Variants in SHANK2 observed in about 807,000 individuals in gnomAD.
The protein encoded by SHANK2 is SH3 and multiple ankyrin repeat domains 2, also known as SH3 and multiple ankyrin repeat domains protein 2.
A neutral mutation model predicts 133.7 loss-of-function variants in SHANK2; 43 were observed. The ratio of observed to expected loss-of-function variants is 0.32; its 90% CI spans 0.25 to 0.41. SHANK2 has a LOEUF of 0.41. SHANK2 is among the 10% of genes least tolerant of loss of function. SHANK2 has a pLI of 1.00. For missense variants in SHANK2, 1,994 were observed against 2,235.8 expected, an observed-to-expected ratio of 0.89 and a Z score of 2.18; for synonymous variants, 1,017 against 952.8, an observed-to-expected ratio of 1.07 and a Z score of -1.24.
intron 17 of SHANK2, among the ~76,000 whole-genome samples, chr11:70,645,060 A>G (rs1356190397): frequency 4.6e-5 from 7 of 152,112 alleles, no homozygotes; most frequent in Admixed American, 1.3e-4. Context: ...AGTCTTTACT[A>G]AAACTACAAA....
intron 17 of SHANK2, among the ~76,000 whole-genome samples, chr11:70,538,299 C>T (rs2136011407): frequency 6.6e-6 from 1 of 152,362 alleles, no homozygotes; most frequent in East Asian, 1.9e-4. Context: ...CCAGAATTAG[C>T]CGACAGTGAC....
intron 17 of SHANK2, among the ~76,000 whole-genome samples, chr11:70,624,532 CAA>C (rs71049929): frequency 2.6e-4 from 36 of 138,152 alleles, no homozygotes; most frequent in African/African-American, 2.2e-4. Flanking sequence ...CAACCTTCTT[CAA>C]AAAAAAAAAA....
intron 17 of SHANK2, among the ~76,000 whole-genome samples, chr11:70,607,265 T>G (rs781979924): frequency 6.6e-6 from 1 of 152,166 alleles, no homozygotes; most frequent in African/African-American, 2.4e-5. Flanking sequence ...TTTTAACAGA[T>G]GAACTGGTTT....
chr11:71,157,554 T>C (rs1555109270), intron 2 of SHANK2, among the ~76,000 whole-genome samples: 1 of 152,150 alleles, frequency 6.6e-6, no homozygotes, highest in East Asian at 1.9e-4. Flanking sequence ...CCTCCAACAG[T>C]CTCTCAGCTT....
At chr11:70,528,347 C>A (rs1285332894) in intron 17 of SHANK2, among the ~76,000 whole-genome samples, 1 of 152,182 alleles carries the variant, frequency 6.6e-6, no homozygotes, top group South Asian at 2.1e-4. Flanking sequence ...TGGGCTGACG[C>A]GAGGCTCCTT....
Position 70,473,237 on chromosome 11 carries a change from C to T in SHANK2, c.5182G>A (p.Ala1728Thr), listed in dbSNP as rs534071683. Residue 1728 changes from alanine to threonine, a missense_variant, in exon 26 of 26, where the codon GCT becomes ACT. This residue lies in a region of SHANK2 where 797 missense variants were observed against 907.4 expected (regional missense o/e 0.88). Transcript: ENST00000601538. The surrounding 1 kb of genome is among the most constrained non-coding windows in gnomAD (Gnocchi z 5.9). Reference sequence around the variant, plus strand: ...GCGGGAGAAGGAGAGGCGGTGGCAGCAGACAGGGGGGCGGGCAGGGTCTCT... The same window carrying T: ...GCGGGAGAAGGAGAGGCGGTGGCAGTAGACAGGGGGGCGGGCAGGGTCTCT... The part of the protein sequence containing the change: ...NKETLPAPLS[A>T]ATASPSPALS... The T allele has an allele frequency of 3.7e-6, 6 of 1,610,064 alleles. No individual in the cohort carries two copies. The East Asian group carries it at 1.3e-4, about 36-fold the overall frequency.
At chr11:71,068,065 A>C (rs1951091282) in intron 9 of SHANK2, among the ~76,000 whole-genome samples, 1 of 149,032 alleles carries the variant, frequency 6.7e-6, no homozygotes, top group Admixed American at 6.7e-5. Context: ...TCACCATCAC[A>C]ACCATCACCA....
chr11:70,811,798 C>A (rs1394345084), intron 12 of SHANK2, among the ~76,000 whole-genome samples: 1 of 151,966 alleles, frequency 6.6e-6, no homozygotes, highest in Non-Finnish European at 1.5e-5. Context: ...TATTCATCAT[C>A]CATCATCCAT....
intron 14 of SHANK2, 44 bp downstream of exon 14, chr11:70,798,399 G>A: frequency 1.4e-6 from 1 of 715,328 alleles, no homozygotes; most frequent in Non-Finnish European, 2.6e-6. Flanking sequence ...GCCTGAGATA[G>A]GCCTGCAGGA....
intron 14 of SHANK2, among the ~76,000 whole-genome samples, chr11:70,758,757 C>T (rs1181588214): frequency 6.6e-6 from 1 of 152,228 alleles, no homozygotes; most frequent in African/African-American, 2.4e-5. Flanking sequence ...CAGTCCCTGG[C>T]TTGTGGCCGT....
chr11:70,526,459 C>G (rs906433232), intron 17 of SHANK2, among the ~76,000 whole-genome samples: 5 of 152,212 alleles, frequency 3.3e-5, no homozygotes, highest in African/African-American at 1.2e-4. Flanking sequence ...GATTGCCATG[C>G]CTTTCAATGT....
At chr11:70,934,856 G>A (rs1054592354) in intron 10 of SHANK2, among the ~76,000 whole-genome samples, 13 of 152,186 alleles carry the variant, frequency 8.5e-5, no homozygotes, top group Admixed American at 1.3e-4. Context: ...CCTGTCCCCA[G>A]GTTTTCAATA....
At chr11:70,874,548 T>G (rs370254664) in intron 11 of SHANK2, among the ~76,000 whole-genome samples, 1 of 152,202 alleles carries the variant, frequency 6.6e-6, no homozygotes, top group East Asian at 1.9e-4. Context: ...TAACCATCAT[T>G]TTATTGATTT....
chr11:70,737,801 G>A (rs1441914589), intron 14 of SHANK2, among the ~76,000 whole-genome samples: 1 of 152,204 alleles, frequency 6.6e-6, no homozygotes. Context: ...GGCTTCTTGG[G>A]GCCGGTTTTC....
rs1366717030 is a variant in SHANK2 at position 70,535,320 on chromosome 11, T to C, written c.2062-32389A>G. Among the ~76,000 whole-genome samples, 4 of 150,214 alleles carry C rather than the reference T, an allele frequency of 2.7e-5. No individual in the cohort carries two copies. Among genetic ancestry groups the C allele is most frequent in the African/African-American group, 9.7e-5 (4 of 41,232 alleles). On this transcript the variant is annotated intron_variant, in intron 17 of 25. Transcript: ENST00000601538. This position sits in a 1 kb window ranked among gnomAD's most constrained non-coding sequence, Gnocchi z 4.3. ...CTCCATCATTCAGTCCATCCATCAC[T>C]CTATCCCTCTGTTCTTCCATTCATC...
At chr11:70,771,576 G>A (rs1234317483) in intron 14 of SHANK2, among the ~76,000 whole-genome samples, 1 of 152,106 alleles carries the variant, frequency 6.6e-6, no homozygotes, top group Non-Finnish European at 1.5e-5. Context: ...TGGCTCCAGG[G>A]GATCTGGCAG....
intron 17 of SHANK2, among the ~76,000 whole-genome samples, chr11:70,521,686 ATG>A (rs1230339976): frequency 8.5e-5 from 13 of 152,068 alleles, no homozygotes; most frequent in African/African-American, 2.9e-4. Flanking sequence ...GAGTGTGAGC[ATG>A]TGTGTGGGTG....
intron 14 of SHANK2, among the ~76,000 whole-genome samples, chr11:70,702,116 C>G (rs1945536996): frequency 6.6e-6 from 1 of 151,034 alleles, no homozygotes; most frequent in Non-Finnish European, 1.5e-5. Context: ...ACCATCATCA[C>G]CACCATCACC....
intron 11 of SHANK2, among the ~76,000 whole-genome samples, chr11:70,856,808 C>G (rs1490281107): frequency 4.6e-5 from 7 of 152,148 alleles, no homozygotes; most frequent in African/African-American, 1.7e-4. Flanking sequence ...GGTGGGACAG[C>G]TGGAATTCAA....
Sources: allele counts gnomAD v4.1 joint callset (sites outside exome capture counted in the v4.1 genomes callset), GRCh38; gene constraint gnomAD v4.1.1; regional missense constraint gnomAD v4.1.1; non-coding constraint Gnocchi (gnomAD v3.1); transcripts MANE v1.5; gene names NCBI Gene and HGNC (gene_info 2026-07-23, HGNC 2026-07-21).